PCDH11X: variants seen among roughly 807,000 people sequenced by gnomAD.
The protein encoded by PCDH11X is protocadherin 11 X-linked, also known as protocadherin-11 X-linked.
A neutral mutation model predicts 53.3 loss-of-function variants in PCDH11X; 18 were observed. The observed-to-expected ratio is 0.34, with a 90% CI of 0.23 to 0.50. PCDH11X has a LOEUF of 0.50. PCDH11X is among the 20% of genes least tolerant of loss of function. PCDH11X has a pLI of 0.98. For synonymous variants in PCDH11X, 279 were observed against 393.3 expected (o/e 0.71, Z 3.44); for missense variants, 570 against 1,032.4 (o/e 0.55, Z 6.14).
intron 9 of PCDH11X, among the ~76,000 whole-genome samples, chrX:92,441,380 C>G (rs1211346164): frequency 9.0e-6 from 1 of 111,464 alleles, no homozygotes; most frequent in African/African-American, 3.3e-5. Flanking sequence ...ATGGCAGCCC[C>G]TCCTATCACA....
chrX:91,970,890 C>T (rs915029735), intron 6 of PCDH11X, among the ~76,000 whole-genome samples: 6 of 111,535 alleles, frequency 5.4e-5, no homozygotes, highest in African/African-American at 2.0e-4. Context: ...AATGATTGTT[C>T]GTTCCTTTCA....
intron 9 of PCDH11X, among the ~76,000 whole-genome samples, chrX:92,462,994 G>T (rs1266527922): frequency 1.8e-5 from 2 of 110,399 alleles, no homozygotes; most frequent in Admixed American, 9.7e-5. Context: ...TCTGTAAGAT[G>T]TCCAGTTCTG....
intron 4 of PCDH11X, among the ~76,000 whole-genome samples, chrX:91,820,442 A>G (rs1410256264): frequency 1.2e-5 from 1 of 86,334 alleles, no homozygotes; most frequent in Non-Finnish European, 2.1e-5. Context: ...GCATTTTTTC[A>G]TGTGTTTTTT....
intron 10 of PCDH11X, among the ~76,000 whole-genome samples, chrX:92,543,775 C>CA (rs748411956): frequency 7.3e-3 from 409 of 56,070 alleles, no homozygotes; most frequent in African/African-American, 0.014. Flanking sequence ...GAGACTCTGC[C>CA]AAAAAAAAAA....
intron 6 of PCDH11X, among the ~76,000 whole-genome samples, chrX:92,014,293 A>T (rs2062749677): frequency 8.9e-6 from 1 of 112,376 alleles, no homozygotes; most frequent in African/African-American, 3.2e-5. Flanking sequence ...AATGCTCATC[A>T]TCACTGGCCA....
At chrX:92,293,729 CTT>C (rs1255659197) in intron 8 of PCDH11X, among the ~76,000 whole-genome samples, 1 of 110,806 alleles carries the variant, frequency 9.0e-6, no homozygotes, top group Non-Finnish European at 1.9e-5. Context: ...ATGAAAAACT[CTT>C]GAGCTTTTCC....
intron 7 of PCDH11X, among the ~76,000 whole-genome samples, chrX:92,217,148 C>A (rs150540778): frequency 1.8e-5 from 2 of 109,743 alleles, no homozygotes; most frequent in Non-Finnish European, 3.8e-5. Flanking sequence ...CATCAACTAA[C>A]GAGCAAAATA....
chrX:92,333,551 G>T (rs2069543128), intron 8 of PCDH11X, among the ~76,000 whole-genome samples: 1 of 111,835 alleles, frequency 8.9e-6, no homozygotes, highest in Non-Finnish European at 1.9e-5. Flanking sequence ...AGCAACATAA[G>T]TCAAGATATT....
In PCDH11X at chrX:91,877,432, T is replaced by C; in HGVS notation, c.1192T>C (p.Cys398Arg). 4.1e-6 allele frequency: 5 copies of C among 1,211,067 alleles called. No individual in the cohort carries two copies. Among genetic ancestry groups the C allele is most frequent in the Non-Finnish European group, 4.5e-6 (4 of 895,349 alleles). The change falls in exon 6 of 11, where the codon TGC (cysteine) becomes CGC (arginine). Residue 398 changes from cysteine to arginine, a missense_variant. By Grantham distance (180) the Cys-to-Arg change is radical. This residue lies in a region of PCDH11X where 226 missense variants were observed against 457.5 expected (regional missense o/e 0.49). Coordinates refer to ENST00000682573, the MANE Select transcript of PCDH11X (RefSeq NM_032968.5). ...KDADHNGRVT[C>R]FTDHEIPFRL... ...TGCGGACCATAATGGCAGGGTGACATGCTTCACAGATCATGAAATCCCTTT... is the reference window on the plus strand; with the variant it reads ...TGCGGACCATAATGGCAGGGTGACACGCTTCACAGATCATGAAATCCCTTT...
intron 6 of PCDH11X, among the ~76,000 whole-genome samples, chrX:92,148,039 TC>T (rs1396984983): frequency 4.1e-4 from 26 of 63,535 alleles, no homozygotes; most frequent in African/African-American, 2.3e-3. Context: ...TTTCCTTCTT[TC>T]CCTTCCTTCC....
intron 8 of PCDH11X, among the ~76,000 whole-genome samples, chrX:92,367,396 C>T (rs1000884563): frequency 7.2e-5 from 8 of 111,270 alleles, no homozygotes; most frequent in African/African-American, 1.6e-4. Flanking sequence ...TATCTTTGCA[C>T]GTGAGATGGG....
intron 10 of PCDH11X, among the ~76,000 whole-genome samples, chrX:92,585,398 G>T (rs1340128568): frequency 3.0e-5 from 3 of 99,196 alleles, no homozygotes; most frequent in Middle Eastern, 5.7e-3. Context: ...TTGGGACAGA[G>T]TCTCGCTCTG....
At chrX:92,108,546 TATA>T (rs2064434669) in intron 6 of PCDH11X, among the ~76,000 whole-genome samples, 1 of 111,708 alleles carries the variant, frequency 9.0e-6, no homozygotes, top group Non-Finnish European at 1.9e-5. Context: ...AATCTGTCAA[TATA>T]ATGTTTCACC....
chrX:92,098,119 G>A (rs1299226664), intron 6 of PCDH11X, among the ~76,000 whole-genome samples: 1 of 110,468 alleles, frequency 9.1e-6, no homozygotes, highest in Admixed American at 9.7e-5. Flanking sequence ...GAATATTTTA[G>A]GGAAAAAAAT....
intron 10 of PCDH11X, among the ~76,000 whole-genome samples, chrX:92,507,501 T>C (rs1290014045): frequency 8.9e-6 from 1 of 111,734 alleles, no homozygotes; most frequent in Non-Finnish European, 1.9e-5. Context: ...GCTAGATTGG[T>C]GAGAGCTGAC....
chrX:91,880,963 G>A (rs1007647776), intron 6 of PCDH11X, among the ~76,000 whole-genome samples: 3 of 110,377 alleles, frequency 2.7e-5, no homozygotes, highest in African/African-American at 9.9e-5. Context: ...TTTTTTCCTG[G>A]GTTTAATTTG....
At chrX:92,569,836 T>C (rs1293371874) in intron 10 of PCDH11X, 1 of 136,437 alleles carries the variant, frequency 7.3e-6, no homozygotes, top group South Asian at 1.4e-4. Flanking sequence ...AACAACATGG[T>C]GAAACCCCCT....
At chrX:92,570,174 A>G (rs1922039493) in intron 10 of PCDH11X, among the ~76,000 whole-genome samples, 1 of 111,175 alleles carries the variant, frequency 9.0e-6, no homozygotes, top group South Asian at 3.7e-4. Context: ...TTACATTCAT[A>G]TACTCTGTTG....
chrX:92,361,592 A>G (rs746000240), intron 8 of PCDH11X, among the ~76,000 whole-genome samples: 31 of 110,703 alleles, frequency 2.8e-4, no homozygotes, highest in Non-Finnish European at 4.9e-4. Context: ...TCCCCGTTTT[A>G]CAAATGCTCT....
Sources: gnomAD v4.1 joint callset for allele counts (sites outside exome capture counted in the v4.1 genomes callset) on GRCh38, gnomAD v4.1.1 for gene constraint, gnomAD v4.1.1 regional missense constraint, MANE v1.5 for transcripts, NCBI Gene and HGNC (gene_info 2026-07-23, HGNC 2026-07-21) for gene names.